Variants in CEP57L1 observed in about 807,000 individuals in gnomAD.
The protein encoded by CEP57L1 is centrosomal protein 57 like 1.
In CEP57L1, 37 loss-of-function variants were observed where a neutral mutation model predicts 61.0. That is an observed-to-expected ratio of 0.61 (90% confidence interval 0.47 to 0.80). The LOEUF (loss-of-function observed/expected upper bound fraction) is 0.80. Among genes scored for constraint, CEP57L1 ranks in the 30% least tolerant of loss-of-function variants. The pLI, the probability that CEP57L1 is intolerant of heterozygous loss-of-function variation, is 0.00. For synonymous variants in CEP57L1, 137 were observed against 162.3 expected (o/e 0.84, Z 1.19); for missense variants, 422 against 524.7 (o/e 0.80, Z 1.91).
intron 5 of CEP57L1, 67 bp from the exon 6 acceptor site, chr6:109,155,163 G>T (rs1773087552): frequency 2.1e-6 from 2 of 962,388 alleles, no homozygotes; most frequent in East Asian, 5.4e-5. Flanking sequence ...GACTCTATTT[G>T]GAAAAGAAAC....
intron 1 of CEP57L1, among the ~76,000 whole-genome samples, chr6:109,125,614 C>T (rs763227133): frequency 4.0e-5 from 6 of 151,046 alleles, no homozygotes; most frequent in Non-Finnish European, 8.8e-5. Context: ...GTGGCACACA[C>T]CTGCTGCTAC....
At chr6:109,099,327 C>A (rs576065190) in intron 1 of CEP57L1, among the ~76,000 whole-genome samples, 1 of 152,028 alleles carries the variant, frequency 6.6e-6, no homozygotes, top group Admixed American at 6.5e-5. Flanking sequence ...AGAGAAAAAC[C>A]CACTGTTCAG....
chr6:109,160,365 A>G (rs553648650), intron 9 of CEP57L1, among the ~76,000 whole-genome samples: 1 of 152,306 alleles, frequency 6.6e-6, no homozygotes, highest in South Asian at 2.1e-4. Flanking sequence ...CCGTCTTAAG[A>G]TATTTCTAAA....
At position 109,170,783 on chromosome 6, in the gene CEP57L1, A is replaced by G. The variant is rs1039581430; in HGVS notation, c.*7813A>G. On this transcript the variant is annotated 3_prime_UTR_variant, in exon 11 of 11. Transcript: ENST00000517392. ...TATTTTCAGAGATAGCTTATCCAAAATATGTAATACATGTGAGAGAATAGC... is the reference window on the plus strand; with the variant it reads ...TATTTTCAGAGATAGCTTATCCAAAGTATGTAATACATGTGAGAGAATAGC... 2.0e-5 allele frequency among the ~76,000 whole-genome samples: 3 copies of G among 152,214 alleles called. No individual in the cohort carries two copies. Among genetic ancestry groups the G allele is most frequent in the Non-Finnish European group, 2.9e-5 (2 of 68,038 alleles).
At chr6:109,107,875 A>T (rs1771114884) in intron 1 of CEP57L1, among the ~76,000 whole-genome samples, 1 of 152,116 alleles carries the variant, frequency 6.6e-6, no homozygotes, top group African/African-American at 2.4e-5. Flanking sequence ...TGGGAGACGC[A>T]GGTTGTAGTG....
At chr6:109,128,905 A>G (rs1011823268) in intron 1 of CEP57L1, among the ~76,000 whole-genome samples, 1 of 152,182 alleles carries the variant, frequency 6.6e-6, no homozygotes, top group African/African-American at 2.4e-5. Flanking sequence ...GAGCACTGAA[A>G]AACTAACTGA....
At chr6:109,117,244 G>C (rs1003471587) in intron 1 of CEP57L1, among the ~76,000 whole-genome samples, 1 of 152,178 alleles carries the variant, frequency 6.6e-6, no homozygotes, top group African/African-American at 2.4e-5. Flanking sequence ...ATAAGAAGTT[G>C]TAGGCAATAT....
At chr6:109,100,542 G>T (rs1440441319) in intron 1 of CEP57L1, among the ~76,000 whole-genome samples, 3 of 151,830 alleles carry the variant, frequency 2.0e-5, no homozygotes, top group Non-Finnish European at 4.4e-5. Flanking sequence ...AGGCGTGGTG[G>T]TGGGCGCCTG....
chr6:109,108,148 TGTAATGC>T (rs911642645), intron 1 of CEP57L1, among the ~76,000 whole-genome samples: 1 of 152,070 alleles, frequency 6.6e-6, no homozygotes, highest in African/African-American at 2.4e-5. Flanking sequence ...TGAATCTAAA[TGTAATGC>T]CCCACCAGTA....
intron 1 of CEP57L1, among the ~76,000 whole-genome samples, chr6:109,120,609 G>A (rs1772835737): frequency 6.6e-6 from 1 of 151,578 alleles, no homozygotes; most frequent in African/African-American, 2.4e-5. Flanking sequence ...ATGTTAACGG[G>A]GGTTCTGTGT....
intron 3 of CEP57L1, among the ~76,000 whole-genome samples, chr6:109,148,365 G>A (rs1268418642): frequency 5.3e-5 from 8 of 151,788 alleles, no homozygotes; most frequent in Non-Finnish European, 7.4e-5. Context: ...GAGAACATGC[G>A]GTGTTTGGTT....
chr6:109,155,169 G>T, intron 5 of CEP57L1, 61 bp from the exon 6 acceptor site: 1 of 1,034,374 alleles, frequency 9.7e-7, no homozygotes, highest in Non-Finnish European at 1.4e-6. Flanking sequence ...ATTTGGAAAA[G>T]AAACAAATGA....
Position 109,163,641 on chromosome 6 carries a change from A to T in CEP57L1, c.*671A>T, listed in dbSNP as rs1485770983. On this transcript the variant is annotated 3_prime_UTR_variant, in exon 11 of 11. Coordinates refer to ENST00000517392, the MANE Select transcript of CEP57L1 (RefSeq NM_001271852.3). ...ATGATCAATTTTATCTTACTACTTTATAACTTTTGCTGACTTTTATTCTTT... is the reference window on the plus strand; with the variant it reads ...ATGATCAATTTTATCTTACTACTTTTTAACTTTTGCTGACTTTTATTCTTT... The T allele has an allele frequency of 6.6e-6, 1 of 152,050 alleles. No individual in the cohort carries two copies. Among genetic ancestry groups the T allele is most frequent in the Non-Finnish European group, 1.5e-5 (1 of 67,986 alleles). The allele number at this position is 152,050 out of a possible 1,614,324, so 9.4% of individuals were successfully genotyped here. A position where few individuals can be genotyped will look rare whatever the true frequency, so the allele number is the denominator to read the frequency against.
At chr6:109,129,718 G>A (rs1290350946) in intron 1 of CEP57L1, among the ~76,000 whole-genome samples, 4 of 151,980 alleles carry the variant, frequency 2.6e-5, no homozygotes, top group Non-Finnish European at 5.9e-5. Flanking sequence ...AGCTAAGCCT[G>A]TTACTACTCA....
chr6:109,120,835 T>G (rs1772865120), intron 1 of CEP57L1, among the ~76,000 whole-genome samples: 2 of 151,840 alleles, frequency 1.3e-5, no homozygotes. Flanking sequence ...GAAAGTGAAT[T>G]TTCAATTATA....
chr6:109,100,798 T>G (rs1294482190), intron 1 of CEP57L1, among the ~76,000 whole-genome samples: 1 of 151,904 alleles, frequency 6.6e-6, no homozygotes, highest in East Asian at 1.9e-4. Context: ...TAATTCAGAG[T>G]TCTTATATTC....
In CEP57L1 at chr6:109,155,309, T is replaced by C. The variant is rs757374481; in HGVS notation, c.657+2T>C. 20 of 1,523,814 alleles carry C rather than the reference T, an allele frequency of 1.3e-5. No individual in the cohort carries two copies. In the South Asian group the frequency reaches 2.4e-4, roughly 18 times the overall value. 94.4% of individuals were successfully genotyped at this position (1,523,814 alleles called of 1,614,324 possible). On this transcript the variant is annotated splice_donor_variant, in intron 6 of 10. Coordinates refer to ENST00000517392, the MANE Select transcript of CEP57L1 (RefSeq NM_001271852.3). LOFTEE classifies it high-confidence loss of function. ...CTATTTCAAGACAAAGCTTCTGAGG[T>C]AAATATAGCACTATATAATCTATCA... is the stretch of plus-strand genomic sequence containing the variant.
Position 109,168,421 on chromosome 6 carries a change from A to T in CEP57L1, c.*5451A>T, listed in dbSNP as rs151139601. 5.9e-3 allele frequency among the ~76,000 whole-genome samples: 897 copies of T among 152,294 alleles called. 14 individuals are homozygous for T. Among genetic ancestry groups the T allele is most frequent in the African/African-American group, 0.021 (856 of 41,548 alleles). On this transcript the variant is annotated 3_prime_UTR_variant, in exon 11 of 11. Transcript: ENST00000517392. ...GTTATATTCTAGAGGCCAAGTATTG[A>T]CTTGCACAGAATTGTGTAAATGATT...
chr6:109,102,674 G>A (rs936979754), intron 1 of CEP57L1, among the ~76,000 whole-genome samples: 12 of 151,742 alleles, frequency 7.9e-5, no homozygotes. Flanking sequence ...AAAGGTATAA[G>A]GTCTGTGCCT....
Sources: gnomAD v4.1 joint callset for allele counts (sites outside exome capture counted in the v4.1 genomes callset) on GRCh38, gnomAD v4.1.1 for gene constraint, MANE v1.5 for transcripts, NCBI Gene and HGNC (gene_info 2026-07-23, HGNC 2026-07-21) for gene names.